Variants in PPRC1 observed in about 807,000 individuals in gnomAD.
PPRC1 encodes the protein PPARG related coactivator 1, also known as peroxisome proliferator-activated receptor gamma coactivator-related protein 1.
Under a neutral mutation model 132.5 loss-of-function variants are expected in PPRC1, and 23 were observed. That is an observed-to-expected ratio of 0.17 (90% CI 0.12 to 0.25). PPRC1 has a LOEUF of 0.25. Ranked by LOEUF, PPRC1 falls within the 10% of genes least tolerant of loss-of-function variation. PPRC1 has a pLI of 1.00. For synonymous variants in PPRC1, 872 were observed against 833.5 expected, an observed-to-expected ratio of 1.05 and a Z score of -0.80; for missense variants, 2,006 against 2,089.1, an observed-to-expected ratio of 0.96 and a Z score of 0.78.
Position 102,133,150 on chromosome 10 carries a change from C to A in PPRC1, c.82C>A (p.Arg28Ser). ...CGGTCCGGACCCTGGCGGGGGAGCCCGCGGCAGTGGTTGGGGAAGTCGAAG... is the reference window on the plus strand; with the variant it reads ...CGGTCCGGACCCTGGCGGGGGAGCCAGCGGCAGTGGTTGGGGAAGTCGAAG... Reference protein sequence around the residue: ...GPGPDPGGGARGSGWGSRSQA... With the variant: ...GPGPDPGGGASGSGWGSRSQA... Residue 28 changes from arginine (R) to serine (S), a missense_variant, in exon 1 of 14, where the codon CGC becomes AGC. Physicochemically the swap from Arg to Ser is moderately radical, Grantham distance 110 (BLOSUM62 -1). Transcript: ENST00000278070. 1 of 1,259,648 alleles carries A rather than the reference C, an allele frequency of 7.9e-7. No homozygotes were observed. The highest frequency in any genetic ancestry group is 3.1e-5 in the East Asian group (1 of 32,712). The allele number at this position is 1,259,648 out of a possible 1,614,324, so 78.0% of individuals were successfully genotyped here. A position where few individuals can be genotyped will look rare whatever the true frequency, so the allele number is the denominator to read the frequency against.
At chr10:102,149,753 A>C (rs190800763) in intron 13 of PPRC1, among the ~76,000 whole-genome samples, 173 bp from the exon 14 acceptor site, 2,035 of 150,494 alleles carry the variant, frequency 0.014, 26 homozygotes, top group Middle Eastern at 0.034. Context: ...AAAAAGACCC[A>C]AGGGGTGGGA....
intron 8 of PPRC1, 93 bp downstream of exon 8, chr10:102,145,183 A>G: frequency 8.2e-7 from 1 of 1,223,436 alleles, no homozygotes; most frequent in Non-Finnish European, 1.2e-6. Context: ...GGCGTTAAGG[A>G]CATAGAGATC....
At chr10:102,123,492 C>T in the PPRC1 span, among the ~76,000 whole-genome samples, 1 of 152,266 alleles carries the variant, frequency 6.6e-6, no homozygotes, top group South Asian at 2.1e-4. Flanking sequence ...CTCTCTCTCT[C>T]CCTCTGTATG....
Position 102,143,099 on chromosome 10 carries a change from G to A in PPRC1, c.3550+1G>A. 1.2e-6 allele frequency: 2 copies of A among 1,612,414 alleles called. No individual in the cohort carries two copies. The highest frequency in any genetic ancestry group is 1.7e-6 in the Non-Finnish European group (2 of 1,178,468). On this transcript the variant is annotated splice_donor_variant, in intron 6 of 13. Transcript: ENST00000278070. LOFTEE classifies it high-confidence loss of function. ...CTGGAGCAGTTTGAGAAATCAGAAG[G>A]TGAGGGAACATGGGTAGTTTTGCTC...
the PPRC1 span, chr10:102,119,958 G>T: frequency 1.6e-6 from 1 of 627,918 alleles, no homozygotes; most frequent in Non-Finnish European, 2.5e-6. Flanking sequence ...GCCCCGCGTA[G>T]CCCTTCCAGC....
At chr10:102,144,554 CT>C (rs1274264947) in intron 7 of PPRC1, 29 of 553,800 alleles carry the variant, frequency 5.2e-5, no homozygotes, top group Middle Eastern at 4.8e-4. Flanking sequence ...CTAGAGGTGC[CT>C]TTTATCTCCT....
upstream of PPRC1, among the ~76,000 whole-genome samples, chr10:102,132,800 C>T (rs1447549381): frequency 6.6e-6 from 1 of 152,234 alleles, no homozygotes; most frequent in Non-Finnish European, 1.5e-5. Context: ...TGAGCGCTCC[C>T]TAAATCGGTA....
At chr10:102,142,859 G>T (rs999057693) in intron 5 of PPRC1, 186 bp from the exon 6 acceptor site, 2 of 491,828 alleles carry the variant, frequency 4.1e-6, no homozygotes, top group Non-Finnish European at 7.3e-6. Context: ...GCTGTGGAGG[G>T]TTCTTCAGAG....
At chr10:102,120,832 G>A in the PPRC1 span, among the ~76,000 whole-genome samples, 1 of 152,102 alleles carries the variant, frequency 6.6e-6, no homozygotes, top group Admixed American at 6.5e-5. Context: ...GCCGGGGTGG[G>A]CAGTGTGGTG....
upstream of PPRC1, among the ~76,000 whole-genome samples, chr10:102,132,163 C>T (rs2068554741): frequency 6.6e-6 from 1 of 152,194 alleles, no homozygotes; most frequent in African/African-American, 2.4e-5. Context: ...GGGTTTAAAT[C>T]TGGGCAGTAG....
the PPRC1 span, among the ~76,000 whole-genome samples, chr10:102,122,036 G>A: frequency 6.6e-6 from 1 of 152,082 alleles, no homozygotes; most frequent in Non-Finnish European, 1.5e-5. Flanking sequence ...CATGTGCTTA[G>A]GATGGGGGAT....
At chr10:102,123,723 A>T in the PPRC1 span, among the ~76,000 whole-genome samples, 1 of 150,352 alleles carries the variant, frequency 6.7e-6, no homozygotes, top group Non-Finnish European at 1.5e-5. Context: ...TAGTAGAGAC[A>T]GGGTTTCTCC....
upstream of PPRC1, among the ~76,000 whole-genome samples, chr10:102,128,437 C>A (rs1261201784): frequency 6.6e-6 from 1 of 152,044 alleles, no homozygotes; most frequent in Non-Finnish European, 1.5e-5. Flanking sequence ...AGCCACCGCA[C>A]CCCGCCCCTC....
chr10:102,120,022 G>C, the PPRC1 span: 4 of 1,289,632 alleles, frequency 3.1e-6, no homozygotes, highest in South Asian at 1.5e-5. Context: ...CGCCAAACAC[G>C]GGGTGAGGGG....
chr10:102,133,613 C>T (rs963427288), intron 1 of PPRC1, among the ~76,000 whole-genome samples: 2 of 152,004 alleles, frequency 1.3e-5, no homozygotes, highest in East Asian at 3.9e-4. Flanking sequence ...ACTTGTCTGC[C>T]TCCCCTCCCC....
intron 9 of PPRC1, 53 bp downstream of exon 9, chr10:102,147,445 CT>C: frequency 6.6e-7 from 1 of 1,522,252 alleles, no homozygotes; most frequent in Non-Finnish European, 8.8e-7. Flanking sequence ...TCACGTACTT[CT>C]GTGGTTTACT....
In PPRC1 at chr10:102,145,070, C is replaced by T; in HGVS notation, c.3659C>T (p.Pro1220Leu). The change falls in exon 8 of 14, where the codon CCA becomes CTA. Residue 1220 changes from proline to leucine, a missense_variant. Transcript: ENST00000278070. The part of the protein sequence containing the change: ...EKRPLDRLQA[P>L]ELANVAGLTP... ...AGGCCCCTAGACCGGTTACAAGCCC[C>T]AGAACTGGCCAACGTGGCAGGTGGG... The T allele has an allele frequency of 6.2e-7, 1 of 1,613,936 alleles. No homozygotes were observed. The highest frequency in any genetic ancestry group is 8.5e-7 in the Non-Finnish European group (1 of 1,179,814).
At chr10:102,127,285 G>A in the PPRC1 span, among the ~76,000 whole-genome samples, 2 of 151,886 alleles carry the variant, frequency 1.3e-5, no homozygotes, top group Non-Finnish European at 2.9e-5. Flanking sequence ...TGAGGTAGGA[G>A]AATCGCTTGA....
chr10:102,133,001 C>CT (rs2068574818), upstream of PPRC1: 4 of 1,234,964 alleles, frequency 3.2e-6, no homozygotes, highest in Admixed American at 1.3e-4. Flanking sequence ...GTTGTAGTTC[C>CT]TTTCCCACAA....
Sources: allele counts gnomAD v4.1 joint callset (sites outside exome capture counted in the v4.1 genomes callset), GRCh38; gene constraint gnomAD v4.1.1; transcripts MANE v1.5; gene names NCBI Gene and HGNC (gene_info 2026-07-23, HGNC 2026-07-21).